The following MTUS2 variants were observed in gnomAD, a reference collection of about 807,000 sequenced individuals.
The protein encoded by MTUS2 is microtubule associated scaffold protein 2, also known as microtubule-associated tumor suppressor candidate 2.
A neutral mutation model predicts 114.1 loss-of-function variants in MTUS2; 40 were observed. The ratio of observed to expected loss-of-function variants is 0.35; its 90% CI spans 0.27 to 0.46. The LOEUF (loss-of-function observed/expected upper bound fraction) is 0.46, where lower values mean the gene tolerates loss of function less well. Among genes scored for constraint, MTUS2 ranks in the 20% least tolerant of loss-of-function variants. The pLI is 1.00. For missense variants in MTUS2, 1,679 were observed against 1,705.4 expected, an observed-to-expected ratio of 0.98 and a Z score of 0.27; for synonymous variants, 688 against 672.0, an observed-to-expected ratio of 1.02 and a Z score of -0.37.
Position 29,298,670 on chromosome 13 carries a change from A to G in MTUS2, c.2806+16805A>G, listed in dbSNP as rs114870909. Among the ~76,000 whole-genome samples the G allele has an allele frequency of 6.5e-3, 991 of 152,280 alleles. 11 individuals are homozygous for G. Among genetic ancestry groups the G allele is most frequent in the African/African-American group, 0.022 (917 of 41,544 alleles). On this transcript the variant is annotated intron_variant, in intron 6 of 15. Coordinates refer to ENST00000612955, the MANE Select transcript of MTUS2 (RefSeq NM_001033602.4). The stretch of plus-strand genomic sequence containing the variant: ...GTCTTAGGAAAAAACAAAGTAAGAA[A>G]TAGGGTCACTTGATGGCTACTGGAA...
At chr13:29,215,640 G>T (rs2035782692) in intron 5 of MTUS2, among the ~76,000 whole-genome samples, 2 of 151,948 alleles carry the variant, frequency 1.3e-5, no homozygotes, top group Admixed American at 1.3e-4. Flanking sequence ...CCCCTCTATT[G>T]CTGGTCTGCT....
chr13:29,328,212 T>C (rs1281174241), intron 7 of MTUS2, among the ~76,000 whole-genome samples: 2 of 152,210 alleles, frequency 1.3e-5, no homozygotes, highest in Non-Finnish European at 2.9e-5. Context: ...CATTTGATAA[T>C]AGAAAAATCC....
chr13:29,201,932 T>C (rs1894975789), intron 5 of MTUS2, among the ~76,000 whole-genome samples: 1 of 152,228 alleles, frequency 6.6e-6, no homozygotes, highest in African/African-American at 2.4e-5. Flanking sequence ...CGGCTGCCCT[T>C]AACATTCTTT....
At chr13:29,207,341 T>C (rs1895232451) in intron 5 of MTUS2, among the ~76,000 whole-genome samples, 1 of 152,214 alleles carries the variant, frequency 6.6e-6, no homozygotes, top group Non-Finnish European at 1.5e-5. Flanking sequence ...CTTTAGGGTT[T>C]CTAGGTATAC....
intron 4 of MTUS2, among the ~76,000 whole-genome samples, chr13:29,070,227 A>G (rs1435754354): frequency 2.0e-5 from 3 of 152,090 alleles, no homozygotes; most frequent in South Asian, 4.2e-4. Flanking sequence ...ACCTTCTCAA[A>G]TGTTCCTCTG....
chr13:29,350,867 A>G (rs1369230550), intron 7 of MTUS2, among the ~76,000 whole-genome samples: 2 of 151,508 alleles, frequency 1.3e-5, no homozygotes, highest in Non-Finnish European at 2.9e-5. Context: ...CACTAATCCC[A>G]TTCATGAGGG....
intron 9 of MTUS2, among the ~76,000 whole-genome samples, chr13:29,468,828 C>T (rs1880069857): frequency 6.6e-6 from 1 of 152,098 alleles, no homozygotes; most frequent in Admixed American, 6.6e-5. Context: ...ATACAGATGC[C>T]AGGCATTGAT....
chr13:29,453,358 CAATG>C lies in MTUS2; in HGVS notation c.3184+13314_3184+13317del, dbSNP rs1297798959. On this transcript the variant is annotated intron_variant, in intron 9 of 15. Coordinates refer to ENST00000612955, the MANE Select transcript of MTUS2 (RefSeq NM_001033602.4). ...TAAGCCTCTGGCCCAGGGATTAGCA[CAATG>C]AATGTGGGGAATTCAACTGCTTCAT... 4.6e-5 allele frequency among the ~76,000 whole-genome samples: 7 copies of C among 152,198 alleles called. No individual in the cohort carries two copies. The East Asian group carries it at 1.3e-3, about 29-fold the overall frequency.
intron 5 of MTUS2, among the ~76,000 whole-genome samples, chr13:29,105,814 A>T (rs1890641484): frequency 1.3e-5 from 1 of 78,168 alleles, no homozygotes; most frequent in Non-Finnish European, 3.4e-5. Context: ...TTAATTTCTG[A>T]TGAGGATATC....
At chr13:29,207,736 C>T (rs9506120) in intron 5 of MTUS2, among the ~76,000 whole-genome samples, 89,861 of 151,912 alleles carry the variant, frequency 0.59, 26,805 homozygotes, top group African/African-American at 0.64. Context: ...TATTGACTTG[C>T]GTATATTAAA....
chr13:29,102,521 G>GCACCGTCCCTCT (rs1190325994), intron 5 of MTUS2, among the ~76,000 whole-genome samples: 3 of 152,264 alleles, frequency 2.0e-5, no homozygotes, highest in South Asian at 2.1e-4. Context: ...GGACCCCTGA[G>GCACCGTCCCTCT]CACCCAGGGG....
chr13:29,197,589 G>T (rs559260000), intron 5 of MTUS2, among the ~76,000 whole-genome samples: 1 of 152,168 alleles, frequency 6.6e-6, no homozygotes, highest in South Asian at 2.1e-4. Context: ...TAATGGGATC[G>T]CTGGGTCAAA....
At chr13:29,118,931 CAG>C (rs1162514341) in intron 5 of MTUS2, among the ~76,000 whole-genome samples, 1 of 152,094 alleles carries the variant, frequency 6.6e-6, no homozygotes, top group Non-Finnish European at 1.5e-5. Context: ...CCTGTGACTC[CAG>C]AGCTGAAGAT....
At chr13:29,128,702 T>G (rs189822780) in intron 5 of MTUS2, among the ~76,000 whole-genome samples, 1 of 152,300 alleles carries the variant, frequency 6.6e-6, no homozygotes, top group East Asian at 1.9e-4. Context: ...AATCATTATT[T>G]AAAATTTTTG....
At chr13:29,259,558 T>A (rs932156524) in intron 5 of MTUS2, among the ~76,000 whole-genome samples, 1 of 152,210 alleles carries the variant, frequency 6.6e-6, no homozygotes, top group Non-Finnish European at 1.5e-5. Flanking sequence ...TTTAAAAAGA[T>A]GGTAAAGTTT....
intron 5 of MTUS2, among the ~76,000 whole-genome samples, chr13:29,276,893 G>A (rs1013150113): frequency 5.3e-5 from 8 of 151,754 alleles, no homozygotes; most frequent in African/African-American, 1.5e-4. Flanking sequence ...GGGAGACTCC[G>A]TCTCAAATAA....
chr13:29,017,254 A>C (rs755236597), intron 2 of MTUS2, among the ~76,000 whole-genome samples: 11 of 152,216 alleles, frequency 7.2e-5, no homozygotes, highest in Non-Finnish European at 1.2e-4. Context: ...TTTTGGGTTC[A>C]TATTCTGTTC....
Position 29,025,547 on chromosome 13 carries a change from T to C in MTUS2, c.849T>C (p.Ala283=). ...CACATTCCGCCCATCCAGAGCCTGC[T>C]CTGAATTTGACTTTGGCATCGAAGG... ...HTSHSAHPEP[A]LNLTLASKEI... The change falls in exon 3 of 16, where the codon GCT becomes GCC. Residue 283 remains alanine, a synonymous_variant. Coordinates refer to ENST00000612955, the MANE Select transcript of MTUS2 (RefSeq NM_001033602.4). 1 of 1,613,880 alleles carries C rather than the reference T, an allele frequency of 6.2e-7. No individual in the cohort carries two copies. Among genetic ancestry groups the C allele is most frequent in the Non-Finnish European group, 8.5e-7 (1 of 1,179,838 alleles).
At chr13:29,430,409 G>A (rs1876900809) in intron 8 of MTUS2, among the ~76,000 whole-genome samples, 1 of 152,144 alleles carries the variant, frequency 6.6e-6, no homozygotes, top group African/African-American at 2.4e-5. Flanking sequence ...GATTTTGGAA[G>A]ATAATTTAAT....
Sources: allele counts gnomAD v4.1 joint callset (sites outside exome capture counted in the v4.1 genomes callset), GRCh38; gene constraint gnomAD v4.1.1; transcripts MANE v1.5; gene names NCBI Gene and HGNC (gene_info 2026-07-23, HGNC 2026-07-21).